CNTN4: variants seen among roughly 807,000 people sequenced by gnomAD.
The protein encoded by CNTN4 is contactin-4.
CNTN4 carries 77 observed loss-of-function variants against 122.5 expected under a neutral mutation model. The observed-to-expected ratio is 0.63, with a 90% CI of 0.52 to 0.76. The LOEUF (loss-of-function observed/expected upper bound fraction) is 0.76. Among genes scored for constraint, CNTN4 ranks in the 30% least tolerant of loss-of-function variants. The pLI is 0.00. For missense variants in CNTN4, 1,256 were observed against 1,259.1 expected, an observed-to-expected ratio of 1.00 and a Z score of 0.04; for synonymous variants, 512 against 447.0, an observed-to-expected ratio of 1.15 and a Z score of -1.83.
chr3:2,800,261 G>A (rs372166464), intron 6 of CNTN4, among the ~76,000 whole-genome samples: 10 of 151,762 alleles, frequency 6.6e-5, no homozygotes, highest in African/African-American at 1.9e-4. Context: ...ATGCCTTTTC[G>A]TCATTGTGCA....
At position 2,747,414 on chromosome 3, in the gene CNTN4, A is replaced by G. The variant is rs1215733231; in HGVS notation, c.358+1717A>G. On this transcript the variant is annotated intron_variant, in intron 6 of 24. Transcript: ENST00000418658. ...ACAGAGCGAGACTCCGTCTAAAAAA[A>G]AAAATAAAAATAAAAATAAAAAATA... Among the ~76,000 whole-genome samples, 13 of 27,522 alleles carry G rather than the reference A, an allele frequency of 4.7e-4. No homozygotes were observed. In the East Asian group the frequency reaches 8.0e-3, roughly 17 times the overall value. 18.1% of individuals were successfully genotyped at this position (27,522 alleles called of 152,430 possible).
chr3:2,391,928 G>C (rs2046455137), intron 3 of CNTN4, among the ~76,000 whole-genome samples: 1 of 152,102 alleles, frequency 6.6e-6, no homozygotes, highest in Non-Finnish European at 1.5e-5. Context: ...TCTTTAAATG[G>C]GGCAAATATG....
intron 4 of CNTN4, among the ~76,000 whole-genome samples, chr3:2,632,967 T>C (rs1023492896): frequency 2.0e-5 from 3 of 148,964 alleles, no homozygotes; most frequent in African/African-American, 4.9e-5. Context: ...GTATATATAA[T>C]TTATATTTTG....
chr3:2,617,491 G>A (rs1479276787), intron 4 of CNTN4, among the ~76,000 whole-genome samples: 1 of 134,550 alleles, frequency 7.4e-6, no homozygotes, highest in East Asian at 2.1e-4. Context: ...CATGATCTTG[G>A]CTCACTGCAA....
At chr3:2,671,825 C>T (rs1225793130) in intron 4 of CNTN4, among the ~76,000 whole-genome samples, 1 of 152,142 alleles carries the variant, frequency 6.6e-6, no homozygotes, top group Non-Finnish European at 1.5e-5. Flanking sequence ...CAGCAAGGAC[C>T]CTCAGCTGCA....
intron 5 of CNTN4, among the ~76,000 whole-genome samples, chr3:2,737,962 G>A (rs185230277): frequency 6.6e-6 from 1 of 152,276 alleles, no homozygotes; most frequent in East Asian, 1.9e-4. Flanking sequence ...AGATAGGTCT[G>A]AAGAAATCCT....
intron 2 of CNTN4, among the ~76,000 whole-genome samples, chr3:2,268,579 G>A (rs1000011645): frequency 6.6e-6 from 1 of 151,798 alleles, no homozygotes; most frequent in East Asian, 1.9e-4. Context: ...CTCAGTCTCT[G>A]TAAGTGGATT....
chr3:2,124,433 AACAC>A (rs60760373), intron 2 of CNTN4, among the ~76,000 whole-genome samples: 15,226 of 123,778 alleles, frequency 0.12, 861 homozygotes, highest in South Asian at 0.16. Context: ...ATTTATTTAA[AACAC>A]ACACACACAC....
chr3:2,379,266 C>CT (rs753499038), intron 3 of CNTN4, among the ~76,000 whole-genome samples: 8 of 149,446 alleles, frequency 5.4e-5, no homozygotes, highest in Non-Finnish European at 7.4e-5. Flanking sequence ...TTTCCGTTTC[C>CT]TTTTTTTTTC....
intron 13 of CNTN4, among the ~76,000 whole-genome samples, chr3:2,937,019 TA>T: frequency 6.6e-6 from 1 of 152,302 alleles, no homozygotes; most frequent in South Asian, 2.1e-4. Flanking sequence ...TCTGGCTCTT[TA>T]CAGAAAAAGT....
chr3:2,421,013 A>G (rs574417581), intron 3 of CNTN4, among the ~76,000 whole-genome samples: 1 of 152,232 alleles, frequency 6.6e-6, no homozygotes, highest in African/African-American at 2.4e-5. Flanking sequence ...TGAAGTACAC[A>G]TGTGCTTCTG....
intron 2 of CNTN4, among the ~76,000 whole-genome samples, chr3:2,244,343 A>G (rs531759785): frequency 3.0e-3 from 449 of 152,138 alleles, no homozygotes; most frequent in African/African-American, 0.01. Context: ...TGGAAAGCAA[A>G]ACCATGAATA....
chr3:2,536,847 C>T (rs770100211), intron 3 of CNTN4, among the ~76,000 whole-genome samples: 2 of 152,104 alleles, frequency 1.3e-5, no homozygotes, highest in Non-Finnish European at 2.9e-5. Flanking sequence ...TAGAACATTA[C>T]GTTGAAGAGC....
chr3:2,638,196 A>C (rs1012022861), intron 4 of CNTN4, among the ~76,000 whole-genome samples: 2 of 152,140 alleles, frequency 1.3e-5, no homozygotes, highest in African/African-American at 4.8e-5. Flanking sequence ...CCATTCTCAC[A>C]TGGCTTCAGA....
intron 16 of CNTN4, among the ~76,000 whole-genome samples, chr3:3,033,521 C>T (rs973483002): frequency 6.6e-6 from 1 of 152,194 alleles, no homozygotes; most frequent in Non-Finnish European, 1.5e-5. Flanking sequence ...TCTTTTTTCC[C>T]TGTCCCTGTG....
chr3:2,886,302 C>T (rs553457718), intron 9 of CNTN4, among the ~76,000 whole-genome samples: 69 of 151,156 alleles, frequency 4.6e-4, no homozygotes, highest in South Asian at 2.7e-3. Context: ...GAGGCTGAGG[C>T]AGGAGAATCA....
chr3:2,294,141 C>A (rs1331641078), intron 2 of CNTN4, among the ~76,000 whole-genome samples: 1 of 152,152 alleles, frequency 6.6e-6, no homozygotes, highest in Non-Finnish European at 1.5e-5. Context: ...CTCTGGAGGC[C>A]CAGCCTTAGC....
intron 2 of CNTN4, among the ~76,000 whole-genome samples, chr3:2,163,578 G>A (rs989605198): frequency 2.0e-5 from 3 of 152,022 alleles, no homozygotes; most frequent in Non-Finnish European, 2.9e-5. Context: ...CGCAGAATGG[G>A]AGAAAATATT....
chr3:3,017,392 C>G (rs564150302), intron 14 of CNTN4, among the ~76,000 whole-genome samples: 2 of 152,322 alleles, frequency 1.3e-5, no homozygotes, highest in African/African-American at 4.8e-5. Context: ...AAAGTAGACA[C>G]TTAGGAACAA....
Sources: allele counts gnomAD v4.1 joint callset (sites outside exome capture counted in the v4.1 genomes callset), GRCh38; gene constraint gnomAD v4.1.1; transcripts MANE v1.5; gene names NCBI Gene and HGNC (gene_info 2026-07-23, HGNC 2026-07-21).